The following ANK3 variants were observed in gnomAD, a reference collection of about 807,000 sequenced individuals.
The protein encoded by ANK3 is ankyrin 3.
A neutral mutation model predicts 370.9 loss-of-function variants in ANK3; 57 were observed. The ratio of observed to expected loss-of-function variants is 0.15; its 90% CI spans 0.12 to 0.19. ANK3 has a LOEUF of 0.19. Ranked by LOEUF, ANK3 falls within the 10% of genes least tolerant of loss-of-function variation. ANK3 has a pLI of 1.00. For missense variants in ANK3, 4,439 were observed against 5,302.1 expected (o/e 0.84, Z 5.06); for synonymous variants, 1,929 against 1,946.3 (o/e 0.99, Z 0.23).
chr10:60,323,625 T>C (rs1048920412), intron 1 of ANK3, among the ~76,000 whole-genome samples: 2 of 152,178 alleles, frequency 1.3e-5, no homozygotes, highest in African/African-American at 4.8e-5. Flanking sequence ...TGCCAGGTTT[T>C]TTAAGCCATG....
rs144905341 is a variant in ANK3 at position 60,364,734 on chromosome 10, C to T, written c.114+24691G>A. ...TTGTTAGAAAAATAAGACAATATAG[C>T]CATAGAGCCTACTAGTAAACTGTTT... On this transcript the variant is annotated intron_variant, in intron 1 of 43. Coordinates refer to ENST00000280772, the MANE Select transcript of ANK3 (RefSeq NM_020987.5). Among the ~76,000 whole-genome samples, 15 of 140,662 alleles carry T rather than the reference C, an allele frequency of 1.1e-4. No individual in the cohort carries two copies. In the East Asian group the frequency reaches 3.2e-3, roughly 30 times the overall value. The allele number at this position is 140,662 out of a possible 152,430, so 92.3% of individuals were successfully genotyped here.
At chr10:60,641,476 G>A (rs1411460226) in intron 1 of ANK3, among the ~76,000 whole-genome samples, 3 of 150,710 alleles carry the variant, frequency 2.0e-5, no homozygotes, top group South Asian at 2.1e-4. Context: ...AAATAACGCC[G>A]CATATCTACA....
intron 16 of ANK3, among the ~76,000 whole-genome samples, chr10:60,194,557 T>C (rs922112814): frequency 1.3e-5 from 2 of 152,218 alleles, no homozygotes; most frequent in Admixed American, 1.3e-4. Context: ...GATTCCTCCA[T>C]GTATTATAGT....
chr10:60,690,880 A>G lies in ANK3; in HGVS notation c.57+42383T>C, dbSNP rs75416504. 4.6e-3 allele frequency among the ~76,000 whole-genome samples: 708 copies of G among 152,318 alleles called. 4 individuals carry two copies. The highest frequency in any genetic ancestry group is 5.7e-3 in the Non-Finnish European group (390 of 68,028). On this transcript the variant is annotated intron_variant, in intron 1 of 43. Transcript: ENST00000373827. ...GCTGTTACTGAGTGTTTCTGCCCCC[A>G]TGAAAAGGCATTGCGAATTCTAATT...
Position 60,100,234 on chromosome 10 carries a change from GTTT to G in ANK3, c.3328+5668_3328+5670del, listed in dbSNP as rs3045340. Among the ~76,000 whole-genome samples, 14 of 57,896 alleles carry G rather than the reference GTTT, an allele frequency of 2.4e-4. No individual in the cohort carries two copies. The South Asian group carries it at 2.5e-3, about 10-fold the overall frequency. The allele number at this position is 57,896 out of a possible 152,430, so 38.0% of individuals were successfully genotyped here. Reference sequence around the variant, plus strand: ...GGCTGAAAGTCAGTATTTTGCTATGGTTTTTTTTTTTTTTTTTTTTTTGCACCC... The same window carrying G: ...GGCTGAAAGTCAGTATTTTGCTATGGTTTTTTTTTTTTTTTTTTTGCACCC... On this transcript the variant is annotated intron_variant, in intron 28 of 43. Coordinates refer to ENST00000280772, the MANE Select transcript of ANK3 (RefSeq NM_020987.5).
intron 1 of ANK3, among the ~76,000 whole-genome samples, chr10:60,341,852 G>A (rs2054355774): frequency 6.6e-6 from 1 of 152,036 alleles, no homozygotes; most frequent in Non-Finnish European, 1.5e-5. Context: ...TTCACAAGAG[G>A]CATAGGTTTT....
chr10:60,363,723 CCAAAA>C (rs2058979096), intron 1 of ANK3, among the ~76,000 whole-genome samples: 1 of 152,002 alleles, frequency 6.6e-6, no homozygotes, highest in African/African-American at 2.4e-5. Flanking sequence ...GTCAAAAGTA[CCAAAA>C]CAAAACAACC....
intron 2 of ANK3, among the ~76,000 whole-genome samples, chr10:60,449,108 T>C (rs904574926): frequency 2.0e-5 from 3 of 152,188 alleles, no homozygotes; most frequent in African/African-American, 7.2e-5. Flanking sequence ...TGGGTCTCTC[T>C]GGACATATAA....
intron 2 of ANK3, among the ~76,000 whole-genome samples, chr10:60,559,171 C>T (rs541255498): frequency 1.1e-3 from 167 of 152,138 alleles, no homozygotes; most frequent in African/African-American, 3.7e-3. Context: ...TGTTTGGTTA[C>T]ATTAATAAGT....
chr10:60,472,748 C>T lies in ANK3; in HGVS notation c.96+142438G>A, dbSNP rs1206377281. 3.3e-5 allele frequency among the ~76,000 whole-genome samples: 5 copies of T among 152,154 alleles called. No individual in the cohort carries two copies. In the East Asian group the frequency reaches 5.8e-4, roughly 18 times the overall value. Reference sequence around the variant, plus strand: ...ATTAAGGATAGGATTATGTCCTACTCCATCCCTACTGCTCACACATTTCTT... The same window carrying T: ...ATTAAGGATAGGATTATGTCCTACTTCATCCCTACTGCTCACACATTTCTT... On this transcript the variant is annotated intron_variant, in intron 2 of 43. Transcript: ENST00000373827.
intron 2 of ANK3, among the ~76,000 whole-genome samples, chr10:60,481,764 A>C (rs1377389925): frequency 9.2e-5 from 14 of 152,020 alleles, no homozygotes; most frequent in Admixed American, 9.2e-4. Flanking sequence ...GCACCCGGCC[A>C]CAAGCCAGAT....
At chr10:60,110,849 T>C in intron 26 of ANK3, among the ~76,000 whole-genome samples, 1 of 152,168 alleles carries the variant, frequency 6.6e-6, no homozygotes, top group Non-Finnish European at 1.5e-5. Context: ...GAAGATTCAG[T>C]TGTGTCAGTA....
At chr10:60,378,963 G>A (rs191017987) in intron 1 of ANK3, among the ~76,000 whole-genome samples, 40 of 152,066 alleles carry the variant, frequency 2.6e-4, no homozygotes, top group Non-Finnish European at 5.7e-4. Context: ...CTACTCAGCT[G>A]ACAAGGGATT....
intron 2 of ANK3, among the ~76,000 whole-genome samples, chr10:60,602,101 T>G (rs1466949652): frequency 1.3e-5 from 2 of 152,144 alleles, no homozygotes; most frequent in East Asian, 3.9e-4. Context: ...GGGCTTACCA[T>G]GTGTCAGGCA....
At chr10:60,342,572 T>C (rs2132986937) in intron 1 of ANK3, among the ~76,000 whole-genome samples, 1 of 152,318 alleles carries the variant, frequency 6.6e-6, no homozygotes, top group Non-Finnish European at 1.5e-5. Context: ...ACATCATGGA[T>C]CATACACATT....
At chr10:60,082,420 C>G in intron 34 of ANK3, 195 bp downstream of exon 34, 1 of 781,084 alleles carries the variant, frequency 1.3e-6, no homozygotes, top group South Asian at 2.0e-5. Context: ...AAGCGATAAA[C>G]AGAGAAGACT....
At chr10:60,230,811 C>A (rs1592122752) in intron 8 of ANK3, among the ~76,000 whole-genome samples, 1 of 151,460 alleles carries the variant, frequency 6.6e-6, no homozygotes, top group South Asian at 2.1e-4. Flanking sequence ...ATGGCTTGAA[C>A]CCAGGAGGTG....
chr10:60,375,379 T>C (rs895109312), intron 1 of ANK3, among the ~76,000 whole-genome samples: 5 of 152,086 alleles, frequency 3.3e-5, no homozygotes, highest in Non-Finnish European at 7.3e-5. Flanking sequence ...CCAGAATCAC[T>C]AGAACTGAAC....
chr10:60,226,456 AG>A lies in ANK3; in HGVS notation c.897+8231del, dbSNP rs2097146081. Among the ~76,000 whole-genome samples the A allele has an allele frequency of 2.6e-5, 3 of 114,474 alleles. No individual in the cohort carries two copies. In the South Asian group the frequency reaches 7.6e-4, roughly 29 times the overall value. The allele number at this position is 114,474 out of a possible 152,430, so 75.1% of individuals were successfully genotyped here. On this transcript the variant is annotated intron_variant, in intron 8 of 43. Coordinates refer to ENST00000280772, the MANE Select transcript of ANK3 (RefSeq NM_020987.5). ...TAATATATAACATACTATAAAATAT[AG>A]TATATATACATAGTATATATACTAT...
Sources: gnomAD v4.1 joint callset for allele counts (sites outside exome capture counted in the v4.1 genomes callset) on GRCh38, gnomAD v4.1.1 for gene constraint, MANE v1.5 for transcripts, NCBI Gene and HGNC (gene_info 2026-07-23, HGNC 2026-07-21) for gene names.